Variants in RBM26 observed in about 807,000 individuals in gnomAD.
RBM26 encodes the protein RNA binding motif protein 26.
RBM26 carries 30 observed loss-of-function variants against 123.6 expected under a neutral mutation model. That is an observed-to-expected ratio of 0.24 (90% CI 0.18 to 0.33). The LOEUF (loss-of-function observed/expected upper bound fraction) is 0.33, where lower values mean the gene tolerates loss of function less well. Among genes scored for constraint, RBM26 ranks in the 10% least tolerant of loss-of-function variants. RBM26 has a pLI of 1.00. For synonymous variants in RBM26, 400 were observed against 404.4 expected (o/e 0.99, Z 0.13); for missense variants, 947 against 1,203.6 (o/e 0.79, Z 3.15).
At position 79,397,854 on chromosome 13, in the gene RBM26, A is replaced by G. The variant is rs556278510; in HGVS notation, c.71+7850T>C. Among the ~76,000 whole-genome samples the G allele has an allele frequency of 2.6e-5, 4 of 152,246 alleles. No individual in the cohort carries two copies. The South Asian group carries it at 8.3e-4, about 32-fold the overall frequency. On this transcript the variant is annotated intron_variant, in intron 1 of 21. Transcript: ENST00000438737. ...AACGTCAATATACAAATATATTTCT[A>G]TATACTAACAATAAAAATCAGAAAA...
At chr13:79,399,425 A>G (rs2078875768) in intron 1 of RBM26, among the ~76,000 whole-genome samples, 1 of 152,240 alleles carries the variant, frequency 6.6e-6, no homozygotes, top group African/African-American at 2.4e-5. Context: ...CAGAAAAAAG[A>G]AACAGTAAAG....
intron 20 of RBM26, among the ~76,000 whole-genome samples, chr13:79,327,355 T>A (rs1034948587): frequency 1.3e-5 from 2 of 151,826 alleles, no homozygotes; most frequent in Non-Finnish European, 2.9e-5. Context: ...GAGTCATTTG[T>A]ATTCTACCTT....
chr13:79,370,974 G>T lies in RBM26; in HGVS notation c.605C>A (p.Thr202Asn). The T allele has an allele frequency of 6.3e-7, 1 of 1,592,038 alleles. No individual in the cohort carries two copies. The highest frequency in any genetic ancestry group is 8.6e-7 in the Non-Finnish European group (1 of 1,159,876). Reference sequence around the variant, plus strand: ...GCTTCGTGTTCTGCTTCTGCTTCTAGTCCTGCTTCTATCTCTGTCCCTCTC... The same window carrying T: ...GCTTCGTGTTCTGCTTCTGCTTCTATTCCTGCTTCTATCTCTGTCCCTCTC... Reference protein sequence around the residue: ...LRERDRDRSRTRSRSRTRSRE... With the variant: ...LRERDRDRSRNRSRSRTRSRE... The change falls in exon 5 of 22, where the codon ACT becomes AAT. Residue 202 changes from threonine to asparagine, a missense_variant. Thr to Asn is a moderately conservative substitution (Grantham distance 65). Coordinates refer to ENST00000438737, the MANE Select transcript of RBM26 (RefSeq NM_001366735.2).
At chr13:79,335,284 C>T (rs1333649636) in intron 19 of RBM26, among the ~76,000 whole-genome samples, 1 of 151,986 alleles carries the variant, frequency 6.6e-6, no homozygotes, top group Non-Finnish European at 1.5e-5. Context: ...AGTTACTTAA[C>T]CTCATCATGC....
intron 1 of RBM26, among the ~76,000 whole-genome samples, chr13:79,380,721 T>C (rs1286783487): frequency 6.6e-6 from 1 of 152,070 alleles, no homozygotes; most frequent in East Asian, 1.9e-4. Flanking sequence ...ACACTAGAAC[T>C]TACTCATCCA....
intron 1 of RBM26, among the ~76,000 whole-genome samples, chr13:79,404,873 A>G (rs1348699254): frequency 1.3e-5 from 2 of 152,224 alleles, no homozygotes; most frequent in Non-Finnish European, 2.9e-5. Flanking sequence ...TAAAAGCTCT[A>G]TCCCCAAAGC....
In RBM26 at chr13:79,319,418, T is replaced by C. The variant is rs1303269496; in HGVS notation, c.*1203A>G. Reference sequence around the variant, plus strand: ...AAACTGCCATATCAACTTTCAATGATCATGTTCACTTGCAAAAGAAATCCA... The same window carrying C: ...AAACTGCCATATCAACTTTCAATGACCATGTTCACTTGCAAAAGAAATCCA... On this transcript the variant is annotated 3_prime_UTR_variant, in exon 22 of 22. Transcript: ENST00000438737. 1.0e-6 allele frequency: 1 copy of C among 984,540 alleles called. No homozygotes were observed. Among genetic ancestry groups the C allele is most frequent in the Non-Finnish European group, 1.2e-6 (1 of 829,366 alleles). The allele number at this position is 984,540 out of a possible 1,614,324, so 61.0% of individuals were successfully genotyped here.
chr13:79,353,059 A>C, intron 14 of RBM26, 94 bp downstream of exon 14: 2 of 647,146 alleles, frequency 3.1e-6, no homozygotes, highest in Non-Finnish European at 5.1e-6. Flanking sequence ...ATTAAGAAGC[A>C]AGAGTTTAGA....
chr13:79,334,473 G>C lies in RBM26; in HGVS notation c.2734-43C>G, dbSNP rs773992430. On this transcript the variant is annotated intron_variant, in intron 19 of 21. Coordinates refer to ENST00000438737, the MANE Select transcript of RBM26 (RefSeq NM_001366735.2). ...AGTATTTCCTCCAAATAAATATTTTGAAATATCCAAAAATCCTAATGGTAT... is the reference window on the plus strand; with the variant it reads ...AGTATTTCCTCCAAATAAATATTTTCAAATATCCAAAAATCCTAATGGTAT... 2.7e-6 allele frequency: 3 copies of C among 1,104,212 alleles called. No homozygotes were observed. The South Asian group carries it at 4.5e-5, about 17-fold the overall frequency. The allele number at this position is 1,104,212 out of a possible 1,614,324, so 68.4% of individuals were successfully genotyped here.
intron 3 of RBM26, among the ~76,000 whole-genome samples, chr13:79,372,794 T>TTATATATATTATA (rs10635224): frequency 1.5e-5 from 1 of 64,968 alleles, no homozygotes; most frequent in African/African-American, 1.0e-4. Flanking sequence ...ATGATATATA[T>TTATATATATTATA]TATAATTATA....
chr13:79,392,945 G>GA (rs1566586179), intron 1 of RBM26, among the ~76,000 whole-genome samples: 1 of 152,138 alleles, frequency 6.6e-6, no homozygotes, highest in Admixed American at 6.5e-5. Flanking sequence ...AGAAACCAGC[G>GA]AAACTTTAAA....
Position 79,319,996 on chromosome 13 carries a change from T to C in RBM26, c.*625A>G. 1.5e-5 allele frequency: 6 copies of C among 404,020 alleles called. No individual in the cohort carries two copies. Among genetic ancestry groups the C allele is most frequent in the Non-Finnish European group, 1.9e-5 (6 of 309,030 alleles). The allele number at this position is 404,020 out of a possible 1,614,324, so 25.0% of individuals were successfully genotyped here. A position where few individuals can be genotyped will look rare whatever the true frequency, so the allele number is the denominator to read the frequency against. ...GTCATTGCTTTTCTCTTTTCTTTCCTTTTTTTTTTTTAAAGAGACCATTCC... is the reference window on the plus strand; with the variant it reads ...GTCATTGCTTTTCTCTTTTCTTTCCCTTTTTTTTTTTAAAGAGACCATTCC... On this transcript the variant is annotated 3_prime_UTR_variant, in exon 22 of 22. Transcript: ENST00000438737.
downstream of RBM26, among the ~76,000 whole-genome samples, chr13:79,315,511 AAAAAT>A (rs2067063789): frequency 6.6e-6 from 1 of 151,848 alleles, no homozygotes; most frequent in Non-Finnish European, 1.5e-5. Context: ...GGCCCACAGT[AAAAAT>A]AAAAGGAATA....
chr13:79,370,853 A>G, intron 5 of RBM26, 92 bp downstream of exon 5: 1 of 1,349,532 alleles, frequency 7.4e-7, no homozygotes, highest in Non-Finnish European at 1.0e-6. Context: ...ATAGAAAAAA[A>G]TGAAGACAAC....
At chr13:79,374,066 GA>G (rs2076418192) in intron 3 of RBM26, among the ~76,000 whole-genome samples, 1 of 151,994 alleles carries the variant, frequency 6.6e-6, no homozygotes, top group South Asian at 2.1e-4. Context: ...TTGTGTTACT[GA>G]GAACCATAAG....
At position 79,405,978 on chromosome 13, in the gene RBM26, T is replaced by G; in HGVS notation, c.-204A>C. 3.1e-6 allele frequency: 1 copy of G among 319,318 alleles called. No individual in the cohort carries two copies. The highest frequency in any genetic ancestry group is 5.7e-6 in the Non-Finnish European group (1 of 176,336). 19.8% of individuals were successfully genotyped at this position (319,318 alleles called of 1,614,324 possible). ...CACAAGTGCACGGGGTGCCAGGAGC[T>G]CCCCGTCCCCGGCCCCCAGCCCGGG... is the stretch of plus-strand genomic sequence containing the variant. On this transcript the variant is annotated 5_prime_UTR_variant, in exon 1 of 22. Transcript: ENST00000438737.
intron 1 of RBM26, among the ~76,000 whole-genome samples, chr13:79,379,701 C>T (rs1185274333): frequency 7.4e-6 from 1 of 134,954 alleles, no homozygotes; most frequent in African/African-American, 2.7e-5. Flanking sequence ...AAAAACAGAA[C>T]AAAAAAAAAA....
In RBM26 at chr13:79,354,589, T is replaced by G; in HGVS notation, c.1855-19A>C. 6.4e-7 allele frequency: 1 copy of G among 1,556,490 alleles called. No homozygotes were observed. The highest frequency in any genetic ancestry group is 8.7e-7 in the Non-Finnish European group (1 of 1,144,168). ...GCATTACCTCAGAACAAGGAAAAAA[T>G]GTTAAACAAGTTGATTCATTCAAAA... is the stretch of plus-strand genomic sequence containing the variant. On this transcript the variant is annotated intron_variant, in intron 12 of 21. Transcript: ENST00000438737.
At chr13:79,350,334 T>C (rs1454149444) in intron 14 of RBM26, among the ~76,000 whole-genome samples, 1 of 152,204 alleles carries the variant, frequency 6.6e-6, no homozygotes, top group African/African-American at 2.4e-5. Flanking sequence ...GCAGTTTGCC[T>C]TCTTAGAATT....
Sources: allele counts gnomAD v4.1 joint callset (sites outside exome capture counted in the v4.1 genomes callset), GRCh38; gene constraint gnomAD v4.1.1; transcripts MANE v1.5; gene names NCBI Gene and HGNC (gene_info 2026-07-23, HGNC 2026-07-21).